Variants in WNK3 observed in about 807,000 individuals in gnomAD.
WNK3 encodes serine/threonine-protein kinase WNK3.
In WNK3, 18 loss-of-function variants were observed where a neutral mutation model predicts 116.7. The observed-to-expected ratio is 0.15, with a 90% CI of 0.11 to 0.23. The LOEUF (loss-of-function observed/expected upper bound fraction) is 0.23. Among genes scored for constraint, WNK3 ranks in the 10% least tolerant of loss-of-function variants. WNK3 has a pLI of 1.00. For missense variants in WNK3, 993 were observed against 1,323.8 expected (o/e 0.75, Z 3.88); for synonymous variants, 404 against 469.4 (o/e 0.86, Z 1.80).
At chrX:54,284,420 T>C (rs1178062662) in intron 10 of WNK3, among the ~76,000 whole-genome samples, 1 of 111,470 alleles carries the variant, frequency 9.0e-6, no homozygotes, top group Non-Finnish European at 1.9e-5. Context: ...ACATTGCTGG[T>C]GTTAGTGCAG....
In WNK3 at chrX:54,211,167, C is replaced by T. The variant is rs1557143659; in HGVS notation, c.4871-8974G>A. ...TAAATTCTCCACATGTCAGGCTGAG[C>T]GTGGTGGCTCACACCTGTAATCCCA... On this transcript the variant is annotated intron_variant, in intron 22 of 23. Transcript: ENST00000354646. Among the ~76,000 whole-genome samples, 22 of 111,701 alleles carry T rather than the reference C, an allele frequency of 2.0e-4. 1 individual carries two copies. Among genetic ancestry groups the T allele is most frequent in the Non-Finnish European group, 4.1e-4 (22 of 53,185 alleles).
At chrX:54,300,177 G>A (rs1351844487) in intron 6 of WNK3, among the ~76,000 whole-genome samples, 1 of 110,154 alleles carries the variant, frequency 9.1e-6, no homozygotes, top group Non-Finnish European at 1.9e-5. Flanking sequence ...TTTTAAGACA[G>A]GGTCTTACTC....
chrX:54,241,953 CAAA>C (rs782594022), intron 17 of WNK3, among the ~76,000 whole-genome samples: 1 of 60,930 alleles, frequency 1.6e-5, no homozygotes. Context: ...GACTCCATCT[CAAA>C]AAAAAAAAAA....
chrX:54,242,798 A>G (rs2068035889), intron 17 of WNK3, among the ~76,000 whole-genome samples: 2 of 111,804 alleles, frequency 1.8e-5, no homozygotes, highest in Non-Finnish European at 3.8e-5. Flanking sequence ...AGACGTAATT[A>G]TAAGAGCTAA....
intron 21 of WNK3, among the ~76,000 whole-genome samples, chrX:54,229,582 G>A (rs1471391465): frequency 9.1e-6 from 1 of 110,148 alleles, no homozygotes; most frequent in Non-Finnish European, 1.9e-5. Context: ...CAAAGTTTCA[G>A]GAAACATAAT....
intron 2 of WNK3, among the ~76,000 whole-genome samples, chrX:54,312,733 G>T (rs1279995174): frequency 9.0e-6 from 1 of 111,332 alleles, no homozygotes; most frequent in Non-Finnish European, 1.9e-5. Context: ...GAGCTATTGC[G>T]CCCGGCCTTC....
intron 5 of WNK3, among the ~76,000 whole-genome samples, chrX:54,302,930 ATTTTTTTT>A (rs782315389): frequency 1.2e-5 from 1 of 81,722 alleles, no homozygotes; most frequent in Non-Finnish European, 2.3e-5. Context: ...AACTCGGCTA[ATTTTTTTT>A]TTTTTTTTTT....
intron 1 of WNK3, among the ~76,000 whole-genome samples, chrX:54,339,196 A>G (rs1174810723): frequency 9.0e-6 from 1 of 110,953 alleles, no homozygotes; most frequent in Non-Finnish European, 1.9e-5. Flanking sequence ...TACATTTAAT[A>G]AAAACTGACA....
chrX:54,250,508 CAAAAGA>C (rs1373883215), intron 15 of WNK3, among the ~76,000 whole-genome samples: 1 of 111,489 alleles, frequency 9.0e-6, no homozygotes, highest in Admixed American at 9.6e-5. Flanking sequence ...AAGTGTACAC[CAAAAGA>C]AAATCAGTTT....
chrX:54,212,505 C>T (rs1453983793), intron 22 of WNK3, among the ~76,000 whole-genome samples: 4 of 112,198 alleles, frequency 3.6e-5, no homozygotes, highest in African/African-American at 1.3e-4. Context: ...ATGAAGCAAC[C>T]TCATATAAGC....
chrX:54,207,709 T>C (rs1185168754), intron 22 of WNK3, among the ~76,000 whole-genome samples: 1 of 109,244 alleles, frequency 9.2e-6, no homozygotes, highest in Admixed American at 9.9e-5. Context: ...AGATGGGGTA[T>C]CACCATGTTG....
At chrX:54,302,759 T>TAC (rs1569538447) in intron 5 of WNK3, among the ~76,000 whole-genome samples, 3 of 12,644 alleles carry the variant, frequency 2.4e-4, no homozygotes, top group African/African-American at 7.3e-4. Context: ...ATATATATAT[T>TAC]TTTTTTTTTT....
At chrX:54,296,960 A>G (rs782076821) in intron 7 of WNK3, among the ~76,000 whole-genome samples, 12 of 110,624 alleles carry the variant, frequency 1.1e-4, no homozygotes, top group Admixed American at 3.9e-4. Context: ...GTAACCAGAC[A>G]ACTAATTTCT....
intron 1 of WNK3, among the ~76,000 whole-genome samples, chrX:54,334,305 C>G (rs782383832): frequency 8.9e-6 from 1 of 111,899 alleles, no homozygotes; most frequent in Non-Finnish European, 1.9e-5. Flanking sequence ...GCAATCATCA[C>G]TACTATCCAT....
chrX:54,240,100 T>A (rs145324989), intron 17 of WNK3, among the ~76,000 whole-genome samples: 1,186 of 109,390 alleles, frequency 0.011, 14 homozygotes, highest in African/African-American at 0.038. Flanking sequence ...AGGTCAGGAG[T>A]TTGAGACCAG....
intron 2 of WNK3, among the ~76,000 whole-genome samples, chrX:54,327,465 A>G (rs2069119237): frequency 1.8e-5 from 2 of 111,878 alleles, no homozygotes; most frequent in African/African-American, 6.5e-5. Context: ...AATATCCACA[A>G]TGGGGAAGAA....
chrX:54,231,154 A>G (rs782448034), intron 21 of WNK3, among the ~76,000 whole-genome samples: 2 of 112,434 alleles, frequency 1.8e-5, no homozygotes, highest in South Asian at 7.5e-4. Flanking sequence ...ATGAAACAGA[A>G]TAAAATAAAG....
intron 2 of WNK3, among the ~76,000 whole-genome samples, chrX:54,324,273 G>A (rs1265238530): frequency 2.7e-5 from 3 of 112,045 alleles, no homozygotes; most frequent in Non-Finnish European, 5.6e-5. Context: ...AGATCTTTAA[G>A]TTAATCGCAT....
At chrX:54,285,752 G>T (rs2068573174) in intron 10 of WNK3, among the ~76,000 whole-genome samples, 1 of 112,000 alleles carries the variant, frequency 8.9e-6, no homozygotes, top group Non-Finnish European at 1.9e-5. Flanking sequence ...TCTTGATAAT[G>T]GTTGGGGTTA....
Sources: allele counts gnomAD v4.1 joint callset (sites outside exome capture counted in the v4.1 genomes callset), GRCh38; gene constraint gnomAD v4.1.1; transcripts MANE v1.5; gene names NCBI Gene and HGNC (gene_info 2026-07-23, HGNC 2026-07-21).